Variants in RDH10 observed in about 807,000 individuals in gnomAD.
The protein encoded by RDH10 is retinol dehydrogenase 10 (all-trans).
A neutral mutation model predicts 30.2 loss-of-function variants in RDH10; 12 were observed. That is an observed-to-expected ratio of 0.40 (90% CI 0.25 to 0.64). The LOEUF (loss-of-function observed/expected upper bound fraction) is 0.64. RDH10 is among the 30% of genes least tolerant of loss of function. The pLI is 0.43. For synonymous variants in RDH10, 189 were observed against 172.2 expected, an observed-to-expected ratio of 1.10 and a Z score of -0.76; for missense variants, 268 against 445.2, an observed-to-expected ratio of 0.60 and a Z score of 3.58.
chr8:73,303,920 T>C (rs1028531549), intron 2 of RDH10, among the ~76,000 whole-genome samples: 3 of 152,192 alleles, frequency 2.0e-5, no homozygotes, highest in African/African-American at 7.2e-5. Flanking sequence ...TCCAACATCT[T>C]CAATATGTTC....
chr8:73,305,868 G>A (rs982101974), intron 2 of RDH10, among the ~76,000 whole-genome samples: 5 of 152,054 alleles, frequency 3.3e-5, no homozygotes, highest in Admixed American at 6.5e-5. Context: ...CAGCTGAATG[G>A]GTTAAGTTCA....
At chr8:73,295,988 T>C (rs560839332) in intron 1 of RDH10, 1 of 257,826 alleles carries the variant, frequency 3.9e-6, no homozygotes, top group South Asian at 1.2e-4. Context: ...GTGTCTGTCT[T>C]ACTGTGGTCT....
intron 2 of RDH10, among the ~76,000 whole-genome samples, chr8:73,298,724 C>A (rs1244539265): frequency 6.6e-6 from 1 of 152,126 alleles, no homozygotes; most frequent in African/African-American, 2.4e-5. Flanking sequence ...GATGGGGTTT[C>A]ATGGTGTTGC....
At chr8:73,322,634 T>C in intron 4 of RDH10, 45 bp from the exon 5 acceptor site, 4 of 1,496,286 alleles carry the variant, frequency 2.7e-6, no homozygotes, top group Non-Finnish European at 3.7e-6. Context: ...CAGTCTTTTC[T>C]ATTGTGTTAA....
intron 1 of RDH10, chr8:73,295,779 C>T: frequency 1.0e-6 from 1 of 978,976 alleles, no homozygotes; most frequent in Admixed American, 4.0e-5. Flanking sequence ...GAGAAGGTGC[C>T]CTGTCCTCGC....
At chr8:73,313,711 C>T (rs1353076204) in intron 2 of RDH10, among the ~76,000 whole-genome samples, 1 of 152,094 alleles carries the variant, frequency 6.6e-6, no homozygotes. Context: ...AAGAGTCAAC[C>T]ATATTTTCCT....
chr8:73,319,858 C>T (rs1814734926), intron 3 of RDH10, among the ~76,000 whole-genome samples: 1 of 152,242 alleles, frequency 6.6e-6, no homozygotes, highest in Non-Finnish European at 1.5e-5. Context: ...TGGATTTCAT[C>T]AAACCCTGTT....
At chr8:73,309,561 T>C (rs150029237) in intron 2 of RDH10, among the ~76,000 whole-genome samples, 1 of 151,764 alleles carries the variant, frequency 6.6e-6, no homozygotes, top group Non-Finnish European at 1.5e-5. Flanking sequence ...TGGTTTGAAG[T>C]ATAGAAACTA....
intron 1 of RDH10, 93 bp downstream of exon 1, chr8:73,295,671 G>C: frequency 7.9e-7 from 1 of 1,260,812 alleles, no homozygotes; most frequent in Non-Finnish European, 1.1e-6. Flanking sequence ...TGCCTGGTCA[G>C]CCCCGCTGTG....
chr8:73,295,565 C>A lies in RDH10; in HGVS notation c.276C>A (p.Ala92=), dbSNP rs771889575. 1 of 1,527,870 alleles carries A rather than the reference C, an allele frequency of 6.5e-7. No homozygotes were observed. The highest frequency in any genetic ancestry group is 2.0e-5 in the Admixed American group (1 of 49,018). The allele number at this position is 1,527,870 out of a possible 1,614,324, so 94.6% of individuals were successfully genotyped here. ...HIYRDLEAAD[A]AALQAGNGEE... is the part of the protein sequence containing the mutation. ...ACCGCGACCTGGAGGCGGCCGACGC[C>A]GCTGCGCTGCAAGGTAACCTGGACC... is the stretch of plus-strand genomic sequence containing the variant. The change falls in exon 1 of 6, where the codon GCC becomes GCA. Residue 92 remains alanine, a synonymous_variant. Transcript: ENST00000240285.
Position 73,294,701 on chromosome 8 carries a change from C to A in RDH10, c.-589C>A. ...GAGTGCAGGGCCGGGGAACGCGAGC[C>A]CTCGGGGGCAGCTGCAAGGCGTTGG... On this transcript the variant is annotated 5_prime_UTR_variant, in exon 1 of 6. Coordinates refer to ENST00000240285, the MANE Select transcript of RDH10 (RefSeq NM_172037.5). 2.7e-6 allele frequency: 1 copy of A among 369,662 alleles called. No individual in the cohort carries two copies. Among genetic ancestry groups the A allele is most frequent in the South Asian group, 1.5e-4 (1 of 6,826 alleles). 22.9% of individuals were successfully genotyped at this position (369,662 alleles called of 1,614,324 possible).
rs142047732 is a variant in RDH10, at chr8:73,323,489, C to T, written c.*453C>T. 304 of 158,406 alleles carry T rather than the reference C, an allele frequency of 1.9e-3. 2 individuals are homozygous for T. Among genetic ancestry groups the T allele is most frequent in the African/African-American group, 7.1e-3 (295 of 41,550 alleles). The allele number at this position is 158,406 out of a possible 1,614,324, so 9.8% of individuals were successfully genotyped here. ...GTATTTTCTCACGTTTTCTAAGTTT[C>T]CGTTTTGCAAGGCCTAGGTGACTTT... On this transcript the variant is annotated 3_prime_UTR_variant, in exon 6 of 6. Transcript: ENST00000240285.
chr8:73,294,658 C>T lies in RDH10; in HGVS notation c.-632C>T, dbSNP rs903887994. On this transcript the variant is annotated 5_prime_UTR_variant, in exon 1 of 6. Transcript: ENST00000240285. ...CGGGCTGCGCTGCGGAGCCCAGTGC[C>T]CGAGTGACACCCGCGGAGAGTGCAG... is the stretch of plus-strand genomic sequence containing the variant. 3.1e-5 allele frequency: 11 copies of T among 351,540 alleles called. No homozygotes were observed. The highest frequency in any genetic ancestry group is 5.6e-5 in the Non-Finnish European group (11 of 196,474). The allele number at this position is 351,540 out of a possible 1,614,324, so 21.8% of individuals were successfully genotyped here.
chr8:73,319,024 T>C, intron 2 of RDH10, 72 bp from the exon 3 acceptor site: 2 of 942,546 alleles, frequency 2.1e-6, no homozygotes, highest in Non-Finnish European at 3.3e-6. Context: ...AAGTTTGTTT[T>C]GTGATCCTGG....
At chr8:73,310,732 G>C (rs1814549415) in intron 2 of RDH10, among the ~76,000 whole-genome samples, 1 of 152,276 alleles carries the variant, frequency 6.6e-6, no homozygotes, top group African/African-American at 2.4e-5. Context: ...TATTAAATAG[G>C]GGGAGGGGCC....
intron 2 of RDH10, among the ~76,000 whole-genome samples, chr8:73,306,368 C>G (rs1416392577): frequency 6.6e-6 from 1 of 152,198 alleles, no homozygotes; most frequent in Non-Finnish European, 1.5e-5. Context: ...GTATTTCATT[C>G]TTGAATTTTT....
chr8:73,320,055 A>G (rs1814738117), intron 3 of RDH10, among the ~76,000 whole-genome samples: 1 of 152,168 alleles, frequency 6.6e-6, no homozygotes, highest in South Asian at 2.1e-4. Context: ...TTTTTTCTAT[A>G]TTCTGTGCCT....
intron 2 of RDH10, among the ~76,000 whole-genome samples, chr8:73,304,169 C>T (rs1052312421): frequency 3.3e-5 from 5 of 152,160 alleles, no homozygotes; most frequent in African/African-American, 7.2e-5. Context: ...ACCTTGACTG[C>T]GCCACACATT....
At chr8:73,321,962 A>G (rs911942671) in intron 4 of RDH10, 1 of 456,080 alleles carries the variant, frequency 2.2e-6, no homozygotes, top group Non-Finnish European at 4.4e-6. Context: ...CTGTGTGAAC[A>G]TGTGTGTGTG....
Sources: gnomAD v4.1 joint callset for allele counts (sites outside exome capture counted in the v4.1 genomes callset) on GRCh38, gnomAD v4.1.1 for gene constraint, MANE v1.5 for transcripts, NCBI Gene and HGNC (gene_info 2026-07-23, HGNC 2026-07-21) for gene names.